The following SPTBN4 variants were observed in gnomAD, a reference collection of about 807,000 sequenced individuals.
SPTBN4 encodes spectrin beta chain, non-erythrocytic 4.
A neutral mutation model predicts 277.8 loss-of-function variants in SPTBN4; 96 were observed. The observed-to-expected ratio is 0.35, with a 90% confidence interval of 0.29 to 0.41. The LOEUF (loss-of-function observed/expected upper bound fraction) is 0.41, where lower values mean the gene tolerates loss of function less well. SPTBN4 is among the 10% of genes least tolerant of loss of function. SPTBN4 has a pLI of 1.00. For synonymous variants in SPTBN4, 1,481 were observed against 1,580.3 expected (o/e 0.94, Z 1.49); for missense variants, 3,006 against 3,595.7 (o/e 0.84, Z 4.19).
chr19:40,486,063 G>A (rs141578370), intron 2 of SPTBN4, among the ~76,000 whole-genome samples: 1 of 151,872 alleles, frequency 6.6e-6, no homozygotes, highest in Non-Finnish European at 1.5e-5. Context: ...GCCTATGTGG[G>A]TGGATTCCTT....
chr19:40,514,624 C>T (rs1277950406), intron 14 of SPTBN4, among the ~76,000 whole-genome samples: 2 of 152,092 alleles, frequency 1.3e-5, no homozygotes, highest in Non-Finnish European at 2.9e-5. Context: ...AGAAGGTATA[C>T]AGTAGGCTTT....
At chr19:40,552,670 C>G (rs1281566766) in intron 22 of SPTBN4, among the ~76,000 whole-genome samples, 3 of 152,058 alleles carry the variant, frequency 2.0e-5, no homozygotes, top group Non-Finnish European at 2.9e-5. Flanking sequence ...TTGGAAGCTT[C>G]CTGATCATTC....
At chr19:40,489,123 A>T (rs1192299051) in intron 3 of SPTBN4, among the ~76,000 whole-genome samples, 2 of 148,356 alleles carry the variant, frequency 1.3e-5, no homozygotes, top group African/African-American at 5.0e-5. Flanking sequence ...GCTTGAACCC[A>T]GGAGGCAGAG....
Position 40,557,333 on chromosome 19 carries a change from G to T in SPTBN4, c.5600G>T (p.Arg1867Ile). Residue 1867 changes from arginine to isoleucine, a missense_variant, in exon 26 of 36, where the codon AGA (arginine) becomes ATA (isoleucine). By Grantham distance (97) the Arg-to-Ile change is moderately conservative. Around this residue, in one of 5 missense-constraint regions of SPTBN4, gnomAD observed 425 missense variants for 594.7 expected, o/e 0.71. Transcript: ENST00000598249. ...CGCCTGACCACCCCGCCTGAGCCGA[G>T]ACCCAGTGCCAGTTCCATGCAGCGG... ...LPRLTTPPEP[R>I]PSASSMQRTL... 6.2e-7 allele frequency: 1 copy of T among 1,612,782 alleles called. No individual in the cohort carries two copies.
At chr19:40,493,454 C>T (rs974805583) in intron 5 of SPTBN4, among the ~76,000 whole-genome samples, 2 of 152,236 alleles carry the variant, frequency 1.3e-5, no homozygotes, top group African/African-American at 2.4e-5. Flanking sequence ...TCATGCCTGT[C>T]ACTTTGGGAG....
intron 1 of SPTBN4, among the ~76,000 whole-genome samples, chr19:40,468,139 G>A (rs894705770): frequency 2.0e-5 from 3 of 151,220 alleles, no homozygotes; most frequent in Admixed American, 6.6e-5. Context: ...GTGTAATGGC[G>A]CGATCTTGGC....
Position 40,506,375 on chromosome 19 carries a change from C to A in SPTBN4, c.1805C>A (p.Ser602Tyr). The part of the protein sequence containing the change: ...EALNAAALRF[S>Y]QLQGYQPCDP... ...CTCAATGCCGCTGCCCTGCGCTTCT[C>A]CCAGCTGCAGGGTGAGTCTTGGGGC... is the stretch of plus-strand genomic sequence containing the variant. The change falls in exon 13 of 36, where the codon TCC (serine) becomes TAC (tyrosine). Residue 602 changes from serine to tyrosine, a missense_variant. Coordinates refer to ENST00000598249, the MANE Select transcript of SPTBN4 (RefSeq NM_020971.3). 1 of 1,612,140 alleles carries A rather than the reference C, an allele frequency of 6.2e-7. No individual in the cohort carries two copies. The highest frequency in any genetic ancestry group is 8.5e-7 in the Non-Finnish European group (1 of 1,178,696).
intron 26 of SPTBN4, among the ~76,000 whole-genome samples, chr19:40,558,947 T>TATTATTATTATGATGATGATGATG (rs1026792401): frequency 6.8e-6 from 1 of 146,140 alleles, no homozygotes; most frequent in African/African-American, 2.6e-5. Context: ...TTATTATTAT[T>TATTATTATTATGATGATGATGATG]ATGAGGCAGA....
intron 29 of SPTBN4, 25 bp downstream of exon 29, chr19:40,565,770 G>A (rs1326395027): frequency 6.5e-7 from 1 of 1,549,140 alleles, no homozygotes; most frequent in Non-Finnish European, 8.7e-7. Context: ...AGGCACACGT[G>A]GTTCAAGGGC....
At chr19:40,535,771 A>G (rs2080728005) in intron 20 of SPTBN4, among the ~76,000 whole-genome samples, 1 of 151,966 alleles carries the variant, frequency 6.6e-6, no homozygotes, top group African/African-American at 2.4e-5. Context: ...TCTCTACTAA[A>G]AACACACACA....
intron 2 of SPTBN4, among the ~76,000 whole-genome samples, chr19:40,482,521 T>G (rs2080023770): frequency 6.6e-6 from 1 of 152,218 alleles, no homozygotes; most frequent in African/African-American, 2.4e-5. Flanking sequence ...GATGGCAGCC[T>G]GGCAGGAATG....
intron 22 of SPTBN4, among the ~76,000 whole-genome samples, chr19:40,553,086 T>C (rs2080936610): frequency 6.6e-6 from 1 of 152,198 alleles, no homozygotes; most frequent in Non-Finnish European, 1.5e-5. Context: ...GGTAATGTTG[T>C]CTGGCTCCAT....
rs914432479 is a variant in SPTBN4 at position 40,525,052 on chromosome 19, AT to A, written c.3857+1414del. Among the ~76,000 whole-genome samples the A allele has an allele frequency of 3.9e-5, 6 of 151,904 alleles. No homozygotes were observed. The South Asian group carries it at 1.0e-3, about 26-fold the overall frequency. On this transcript the variant is annotated intron_variant, in intron 17 of 35. Coordinates refer to ENST00000598249, the MANE Select transcript of SPTBN4 (RefSeq NM_020971.3). ...AGGCTCTCTGGCTCTCTCCGGCATG[AT>A]CCAGGCCAGAAGGGGACCCAGTACC...
chr19:40,477,388 G>A (rs1174012285), intron 2 of SPTBN4, among the ~76,000 whole-genome samples: 1 of 152,112 alleles, frequency 6.6e-6, no homozygotes, highest in Non-Finnish European at 1.5e-5. Context: ...CTGTGTGCCT[G>A]GCTCATGCTG....
At chr19:40,537,265 C>T (rs1041891108) in intron 20 of SPTBN4, among the ~76,000 whole-genome samples, 4 of 152,174 alleles carry the variant, frequency 2.6e-5, no homozygotes, top group African/African-American at 9.6e-5. Flanking sequence ...CTGCCTTGGC[C>T]TCCCAAAGTG....
At position 40,572,095 on chromosome 19, in the gene SPTBN4, G is replaced by C. The variant is rs2081160950; in HGVS notation, c.7396G>C (p.Gly2466Arg). 6.2e-7 allele frequency: 1 copy of C among 1,612,960 alleles called. No individual in the cohort carries two copies. The highest frequency in any genetic ancestry group is 1.1e-5 in the South Asian group (1 of 90,890). ...CAAGGACTCCAAGGGCCCGGCATCCGGGAGCACACACGGTGGGGAACCGCT... is the reference window on the plus strand; with the variant it reads ...CAAGGACTCCAAGGGCCCGGCATCCCGGAGCACACACGGTGGGGAACCGCT... ...FYKDSKGPASGSTHGGEPLLS... is the reference protein window; with the variant it reads ...FYKDSKGPASRSTHGGEPLLS... The change falls in exon 34 of 36, where the codon GGG (glycine) becomes CGG (arginine). Residue 2466 changes from glycine to arginine, a missense_variant. By Grantham distance (125) the Gly-to-Arg change is moderately radical. Transcript: ENST00000598249.
At chr19:40,497,072 CAAAAAAAAAAAA>C (rs35856852) in intron 6 of SPTBN4, among the ~76,000 whole-genome samples, 3 of 59,612 alleles carry the variant, frequency 5.0e-5, no homozygotes, top group Non-Finnish European at 6.5e-5. Flanking sequence ...GACTCCATCT[CAAAAAAAAAAAA>C]AAAAAAAAAA....
rs1209821096 is a variant in SPTBN4 at position 40,554,887 on chromosome 19, G to A, written c.5084+241G>A. ...TGTAGTAGTGGGGACCTTGTCGGGG[G>A]AGAAAAGAGTAGGCGATGTCTAGGA... is the stretch of plus-strand genomic sequence containing the variant. On this transcript the variant is annotated intron_variant, in intron 24 of 35. Coordinates refer to ENST00000598249, the MANE Select transcript of SPTBN4 (RefSeq NM_020971.3). The surrounding 1 kb of genome is among the most constrained non-coding windows in gnomAD (Gnocchi z 5.7). 1 of 520,472 alleles carries A rather than the reference G, an allele frequency of 1.9e-6. No individual in the cohort carries two copies. Among genetic ancestry groups the A allele is most frequent in the East Asian group, 3.7e-5 (1 of 26,876 alleles). The allele number at this position is 520,472 out of a possible 1,614,324, so 32.2% of individuals were successfully genotyped here. A position where few individuals can be genotyped will look rare whatever the true frequency, so the allele number is the denominator to read the frequency against.
chr19:40,556,995 T>TTGCCC, intron 25 of SPTBN4, 28 bp from the exon 26 acceptor site: 8 of 1,484,710 alleles, frequency 5.4e-6, no homozygotes, highest in Non-Finnish European at 6.3e-6. Flanking sequence ...CACTTTGCTG[T>TTGCCC]ACCCCCCCCC....
Sources: allele counts gnomAD v4.1 joint callset (sites outside exome capture counted in the v4.1 genomes callset), GRCh38; gene constraint gnomAD v4.1.1; regional missense constraint gnomAD v4.1.1; non-coding constraint Gnocchi (gnomAD v3.1); transcripts MANE v1.5; gene names NCBI Gene and HGNC (gene_info 2026-07-23, HGNC 2026-07-21).